Variants in CLEC12A observed in about 807,000 individuals in gnomAD.
The protein encoded by CLEC12A is C-type lectin domain family 12 member A, also known as C-type lectin protein CLL-1.
In CLEC12A, 22 loss-of-function variants were observed where a neutral mutation model predicts 26.5. The ratio of observed to expected loss-of-function variants is 0.83; its 90% CI spans 0.59 to 1.19. The LOEUF is 1.19. CLEC12A is among the 50% of genes most tolerant of loss of function. CLEC12A has a pLI of 0.00. For missense variants in CLEC12A, 353 were observed against 315.6 expected, an observed-to-expected ratio of 1.12 and a Z score of -0.90; for synonymous variants, 119 against 101.9, an observed-to-expected ratio of 1.17 and a Z score of -1.01.
intron 3 of CLEC12A, 139 bp from the exon 4 acceptor site, chr12:9,980,443 A>T: frequency 2.1e-6 from 2 of 953,828 alleles, no homozygotes; most frequent in Non-Finnish European, 3.0e-6. Flanking sequence ...GTCAAAAAAA[A>T]AAAAAGGGGG....
At chr12:9,962,643 A>C (rs1863854800) in intron 1 of CLEC12A, among the ~76,000 whole-genome samples, 1 of 152,142 alleles carries the variant, frequency 6.6e-6, no homozygotes, top group East Asian at 1.9e-4. Context: ...TGGGGGCCAC[A>C]AGGTGCTCAG....
intron 1 of CLEC12A, among the ~76,000 whole-genome samples, chr12:9,962,236 T>C (rs897347164): frequency 8.6e-5 from 13 of 151,442 alleles, no homozygotes; most frequent in Non-Finnish European, 1.5e-4. Context: ...TTCCTTTTAA[T>C]GTATAACCGG....
rs563444953 is a variant in CLEC12A, at chr12:9,975,829, C to A, written c.92-3137C>A. 3.9e-5 allele frequency among the ~76,000 whole-genome samples: 6 copies of A among 152,270 alleles called. No homozygotes were observed. In the East Asian group the frequency reaches 1.2e-3, roughly 29 times the overall value. ...GGAATAAATGGTATTATGGACTGAG[C>A]CCAGGGTCCCTCTGCTGTGTGCAGT... On this transcript the variant is annotated intron_variant, in intron 1 of 5. Transcript: ENST00000304361.
intron 5 of CLEC12A, among the ~76,000 whole-genome samples, 168 bp downstream of exon 5, chr12:9,982,297 T>A (rs1281749244): frequency 6.6e-6 from 1 of 152,090 alleles, no homozygotes; most frequent in Non-Finnish European, 1.5e-5. Context: ...AAAGTTACCA[T>A]AAATGCCTTC....
the CLEC12A span, among the ~76,000 whole-genome samples, chr12:10,001,037 AG>A: frequency 1.3e-5 from 2 of 152,252 alleles, no homozygotes; most frequent in Non-Finnish European, 2.9e-5. Context: ...GGTACCAAAC[AG>A]GTACATATGA....
At chr12:9,979,309 A>AT (rs1437616360) in intron 2 of CLEC12A, 27 bp from the exon 3 acceptor site, 3 of 1,506,314 alleles carry the variant, frequency 2.0e-6, no homozygotes, top group Middle Eastern at 1.7e-4. Context: ...AGAATTTACA[A>AT]TTTTTTGTCA....
chr12:9,967,830 AG>A (rs1290717415), upstream of CLEC12A, among the ~76,000 whole-genome samples: 2 of 152,184 alleles, frequency 1.3e-5, no homozygotes, highest in Non-Finnish European at 2.9e-5. Context: ...CTTGTCGCTA[AG>A]GGTGAAGGAC....
intron 1 of CLEC12A, among the ~76,000 whole-genome samples, chr12:9,954,473 G>T (rs1468464966): frequency 6.6e-6 from 1 of 151,604 alleles, no homozygotes; most frequent in Non-Finnish European, 1.5e-5. Flanking sequence ...TCCAGCCTGG[G>T]TGACGGAGAT....
chr12:9,977,432 CAAAAG>C (rs933761055), intron 1 of CLEC12A, among the ~76,000 whole-genome samples: 1 of 152,126 alleles, frequency 6.6e-6, no homozygotes, highest in African/African-American at 2.4e-5. Flanking sequence ...AAAAACAAAA[CAAAAG>C]AAAACAAATA....
chr12:9,965,551 T>C (rs1163588831), intron 1 of CLEC12A, among the ~76,000 whole-genome samples: 4 of 151,580 alleles, frequency 2.6e-5, no homozygotes, highest in Admixed American at 2.6e-4. Context: ...AAAGAAAGCA[T>C]GTTTGAGACC....
chr12:9,986,491 T>C (rs1234749548), downstream of CLEC12A, among the ~76,000 whole-genome samples: 2 of 149,200 alleles, frequency 1.3e-5, no homozygotes, highest in Non-Finnish European at 3.0e-5. Flanking sequence ...TTCGGCTTAT[T>C]ATACTTGGCC....
chr12:9,956,165 A>G (rs1245772609), intron 1 of CLEC12A, among the ~76,000 whole-genome samples: 1 of 152,224 alleles, frequency 6.6e-6, no homozygotes, highest in Admixed American at 6.5e-5. Context: ...ATATTTTAAG[A>G]AAACCTTGTT....
chr12:9,963,267 T>TC (rs1565548704), intron 1 of CLEC12A, among the ~76,000 whole-genome samples: 3 of 151,752 alleles, frequency 2.0e-5, no homozygotes, highest in African/African-American at 7.3e-5. Flanking sequence ...CCTTGAGTTT[T>TC]TTATGTTGTC....
intron 1 of CLEC12A, among the ~76,000 whole-genome samples, chr12:9,963,680 A>G (rs1863877652): frequency 1.3e-5 from 2 of 152,180 alleles, no homozygotes; most frequent in Admixed American, 6.5e-5. Flanking sequence ...GTGTGCATGT[A>G]CCTGTCCAAT....
the CLEC12A span, among the ~76,000 whole-genome samples, chr12:10,001,574 C>G: frequency 6.6e-6 from 1 of 152,208 alleles, no homozygotes; most frequent in African/African-American, 2.4e-5. Flanking sequence ...GACAGAGACT[C>G]TCAGGGCCAA....
At chr12:9,993,950 C>T (rs187284641) in intron 4 of CLEC12A, among the ~76,000 whole-genome samples, 1 of 152,154 alleles carries the variant, frequency 6.6e-6, no homozygotes, top group African/African-American at 2.4e-5. Context: ...AAGCTAATGT[C>T]TTTCTTGTTG....
At chr12:9,994,614 T>C (rs768148803) in intron 4 of CLEC12A, among the ~76,000 whole-genome samples, 7 of 152,082 alleles carry the variant, frequency 4.6e-5, no homozygotes, top group Non-Finnish European at 8.8e-5. Flanking sequence ...AGGACAAAGC[T>C]TCGTTAATGG....
At chr12:9,994,358 G>A (rs960416966) in intron 4 of CLEC12A, among the ~76,000 whole-genome samples, 8 of 152,144 alleles carry the variant, frequency 5.3e-5, no homozygotes, top group African/African-American at 1.9e-4. Context: ...CTTGCTTGTA[G>A]TTGTAGTATC....
At chr12:9,993,633 G>A (rs1028152062) in intron 4 of CLEC12A, among the ~76,000 whole-genome samples, 11 of 151,960 alleles carry the variant, frequency 7.2e-5, no homozygotes, top group South Asian at 2.1e-4. Context: ...GGAAGGTCAG[G>A]ACTCAGATGA....
Sources: allele counts gnomAD v4.1 joint callset (sites outside exome capture counted in the v4.1 genomes callset), GRCh38; gene constraint gnomAD v4.1.1; transcripts MANE v1.5; gene names NCBI Gene and HGNC (gene_info 2026-07-23, HGNC 2026-07-21).